The following CTNNA3 variants were observed in gnomAD, a reference collection of about 807,000 sequenced individuals.
CTNNA3 encodes catenin alpha-3.
Under a neutral mutation model 95.7 loss-of-function variants are expected in CTNNA3, and 76 were observed. The observed-to-expected ratio is 0.79, with a 90% CI of 0.66 to 0.96. The LOEUF (loss-of-function observed/expected upper bound fraction) is 0.96. CTNNA3 is among the 40% of genes least tolerant of loss of function. CTNNA3 has a pLI of 0.00. For synonymous variants in CTNNA3, 431 were observed against 374.4 expected, an observed-to-expected ratio of 1.15 and a Z score of -1.74; for missense variants, 1,191 against 1,089.8, an observed-to-expected ratio of 1.09 and a Z score of -1.31.
intron 17 of CTNNA3, among the ~76,000 whole-genome samples, chr10:65,931,661 C>T (rs367766243): frequency 3.3e-5 from 5 of 152,174 alleles, no homozygotes; most frequent in African/African-American, 4.8e-5. Flanking sequence ...TGTCTGTGAT[C>T]GGGAAATATT....
intron 7 of CTNNA3, among the ~76,000 whole-genome samples, chr10:67,132,577 G>C (rs1176577935): frequency 6.6e-6 from 1 of 152,000 alleles, no homozygotes; most frequent in African/African-American, 2.4e-5. Flanking sequence ...GAGGGATATG[G>C]GTTACGAATT....
intron 5 of CTNNA3, among the ~76,000 whole-genome samples, chr10:67,440,963 C>T (rs1164838862): frequency 6.6e-6 from 1 of 151,604 alleles, no homozygotes; most frequent in Non-Finnish European, 1.5e-5. Context: ...AATAAGGCAC[C>T]AGGGACCAAT....
Position 66,583,223 on chromosome 10 carries a change from T to G in CTNNA3, c.1374+38469A>C, listed in dbSNP as rs143537683. 1.8e-3 allele frequency among the ~76,000 whole-genome samples: 271 copies of G among 152,038 alleles called. 2 individuals carry two copies. The highest frequency in any genetic ancestry group is 5.9e-3 in the African/African-American group (246 of 41,550). The stretch of plus-strand genomic sequence containing the variant: ...GATTCAATCGAATTAGTACCAATTC[T>G]TTGGATGTCTGGTAGAATTTGGCTG... On this transcript the variant is annotated intron_variant, in intron 10 of 17. Coordinates refer to ENST00000433211, the MANE Select transcript of CTNNA3 (RefSeq NM_013266.4).
At chr10:66,174,470 G>T (rs1256351433) in intron 13 of CTNNA3, among the ~76,000 whole-genome samples, 1 of 151,944 alleles carries the variant, frequency 6.6e-6, no homozygotes, top group Non-Finnish European at 1.5e-5. Context: ...TACATAGTAG[G>T]CATTCAAAGA....
rs1193011673 is a variant in CTNNA3, at chr10:66,957,042, T to C, written c.1048-181518A>G. Among the ~76,000 whole-genome samples, 5 of 152,182 alleles carry C rather than the reference T, an allele frequency of 3.3e-5. No homozygotes were observed. The East Asian group carries it at 9.6e-4, about 29-fold the overall frequency. On this transcript the variant is annotated intron_variant, in intron 7 of 17. Coordinates refer to ENST00000433211, the MANE Select transcript of CTNNA3 (RefSeq NM_013266.4). ...GGGAAAAGTGGACAAACAGCCATAA[T>C]GCTACCTAGCTCTGTCTAAATTGAA...
chr10:67,736,746 G>A (rs574619623), intron 1 of CTNNA3, among the ~76,000 whole-genome samples: 48 of 151,820 alleles, frequency 3.2e-4, no homozygotes, highest in Non-Finnish European at 4.9e-4. Context: ...CACCACACCC[G>A]GCCCACATTT....
intron 14 of CTNNA3, 24 bp from the exon 15 acceptor site, chr10:66,069,513 T>G: frequency 6.4e-7 from 1 of 1,562,614 alleles, no homozygotes; most frequent in Non-Finnish European, 8.7e-7. Flanking sequence ...TAATTAGAGT[T>G]AAAATCATTC....
intron 7 of CTNNA3, among the ~76,000 whole-genome samples, chr10:67,030,062 T>C (rs1053884066): frequency 1.3e-4 from 20 of 152,210 alleles, no homozygotes; most frequent in African/African-American, 4.8e-4. Flanking sequence ...TAAAAAACAA[T>C]CTTGTAATAA....
At position 67,607,043 on chromosome 10, in the gene CTNNA3, T is replaced by C; in HGVS notation, c.106A>G (p.Thr36Ala). ...LLEPLIIQVT[T>A]LVNCPQNPSS... is the part of the protein sequence containing the mutation. The stretch of plus-strand genomic sequence containing the variant: ...GGGTTCTGGGGACAGTTTACAAGTG[T>C]GGTAACCTAAAATTGGAAAAATACA... The change falls in exon 3 of 18, where the codon ACA (threonine) becomes GCA (alanine). Residue 36 changes from threonine to alanine, a missense_variant. Transcript: ENST00000433211. 1 of 1,609,248 alleles carries C rather than the reference T, an allele frequency of 6.2e-7. No homozygotes were observed. The highest frequency in any genetic ancestry group is 8.5e-7 in the Non-Finnish European group (1 of 1,178,516).
At chr10:67,209,413 G>T (rs1864046631) in intron 6 of CTNNA3, among the ~76,000 whole-genome samples, 1 of 152,090 alleles carries the variant, frequency 6.6e-6, no homozygotes, top group African/African-American at 2.4e-5. Context: ...ATGGTATTTT[G>T]CTGTAATGTG....
intron 5 of CTNNA3, among the ~76,000 whole-genome samples, chr10:67,258,855 T>A (rs1362507012): frequency 2.0e-5 from 3 of 152,178 alleles, no homozygotes; most frequent in Non-Finnish European, 4.4e-5. Flanking sequence ...GGGCATTGGT[T>A]CTAGGATCCC....
chr10:66,613,929 T>C (rs1844419093), intron 10 of CTNNA3, among the ~76,000 whole-genome samples: 1 of 152,086 alleles, frequency 6.6e-6, no homozygotes, highest in South Asian at 2.1e-4. Flanking sequence ...AGAGAATATG[T>C]TTGCTTCCCA....
chr10:66,862,721 T>C (rs944418927), intron 7 of CTNNA3, among the ~76,000 whole-genome samples: 1 of 152,196 alleles, frequency 6.6e-6, no homozygotes, highest in Non-Finnish European at 1.5e-5. Context: ...TGGTTAATTT[T>C]ACGTGTTAAT....
At chr10:66,908,690 A>T (rs566610330) in intron 7 of CTNNA3, among the ~76,000 whole-genome samples, 1 of 152,154 alleles carries the variant, frequency 6.6e-6, no homozygotes, top group Admixed American at 6.5e-5. Context: ...TTTTAAAAAA[A>T]TTCATTTTTA....
At chr10:67,260,555 T>C (rs532700947) in intron 5 of CTNNA3, among the ~76,000 whole-genome samples, 92 of 152,348 alleles carry the variant, frequency 6.0e-4, no homozygotes, top group African/African-American at 2.2e-3. Context: ...CATTCTTCTA[T>C]AGATCCAAAC....
intron 3 of CTNNA3, among the ~76,000 whole-genome samples, chr10:67,560,209 A>G (rs1326058134): frequency 2.0e-5 from 3 of 152,158 alleles, no homozygotes; most frequent in African/African-American, 4.8e-5. Context: ...GTTGAAATGA[A>G]GGAAAAAACG....
chr10:67,708,702 C>G (rs1169765499), intron 1 of CTNNA3, among the ~76,000 whole-genome samples: 1 of 152,238 alleles, frequency 6.6e-6, no homozygotes, highest in Admixed American at 6.5e-5. Flanking sequence ...AAATGTAAAG[C>G]AAGTCTCACC....
intron 10 of CTNNA3, among the ~76,000 whole-genome samples, chr10:66,591,958 A>G (rs537343997): frequency 6.6e-6 from 1 of 152,166 alleles, no homozygotes; most frequent in South Asian, 2.1e-4. Flanking sequence ...AGCAAGTTTT[A>G]TTTGACCTCT....
intron 9 of CTNNA3, among the ~76,000 whole-genome samples, chr10:66,667,188 T>C (rs1846483763): frequency 1.2e-5 from 1 of 83,386 alleles, no homozygotes; most frequent in African/African-American, 5.9e-5. Context: ...TGAAGAGTAG[T>C]AATTTTTTTT....
Sources: gnomAD v4.1 joint callset for allele counts (sites outside exome capture counted in the v4.1 genomes callset) on GRCh38, gnomAD v4.1.1 for gene constraint, MANE v1.5 for transcripts, NCBI Gene and HGNC (gene_info 2026-07-23, HGNC 2026-07-21) for gene names.